The following STK39 variants were observed in gnomAD, a reference collection of about 807,000 sequenced individuals.
STK39 encodes STE20/SPS1-related proline-alanine-rich protein kinase.
STK39 carries 20 observed loss-of-function variants against 77.8 expected under a neutral mutation model. The observed-to-expected ratio is 0.26, with a 90% confidence interval of 0.18 to 0.37. The LOEUF (loss-of-function observed/expected upper bound fraction) is 0.37. Ranked by LOEUF, STK39 falls within the 10% of genes least tolerant of loss-of-function variation. The pLI, the probability that STK39 is intolerant of heterozygous loss-of-function variation, is 1.00. For missense variants in STK39, 479 were observed against 656.5 expected (o/e 0.73, Z 2.95); for synonymous variants, 246 against 234.1 (o/e 1.05, Z -0.47).
intron 1 of STK39, among the ~76,000 whole-genome samples, chr2:168,221,329 TGTTA>T (rs1690163197): frequency 1.3e-5 from 2 of 152,210 alleles, no homozygotes; most frequent in Admixed American, 1.3e-4. Flanking sequence ...TAGAACATTA[TGTTA>T]ATACATGCGT....
intron 16 of STK39, among the ~76,000 whole-genome samples, chr2:167,992,423 G>T (rs528945224): frequency 1.3e-5 from 2 of 152,084 alleles, no homozygotes; most frequent in African/African-American, 2.4e-5. Flanking sequence ...TGAAGAAACT[G>T]TCTGGAACTG....
chr2:167,962,184 A>T (rs890970477), intron 17 of STK39, among the ~76,000 whole-genome samples: 14 of 152,230 alleles, frequency 9.2e-5, no homozygotes, highest in Non-Finnish European at 4.4e-5. Flanking sequence ...AATGATAAAA[A>T]GCTGAGAGAT....
chr2:167,959,390 G>C (rs1008854524), intron 17 of STK39, among the ~76,000 whole-genome samples: 1 of 151,728 alleles, frequency 6.6e-6, no homozygotes, highest in Admixed American at 6.6e-5. Flanking sequence ...CTCCCAAAGT[G>C]CTGGGATTAC....
In STK39 at chr2:168,138,684, C is replaced by A. The variant is rs370751505; in HGVS notation, c.841-463G>T. Among the ~76,000 whole-genome samples, 4 of 152,236 alleles carry A rather than the reference C, an allele frequency of 2.6e-5. No homozygotes were observed. The East Asian group carries it at 7.7e-4, about 29-fold the overall frequency. On this transcript the variant is annotated intron_variant, in intron 7 of 17. Coordinates refer to ENST00000355999, the MANE Select transcript of STK39 (RefSeq NM_013233.3). Reference sequence around the variant, plus strand: ...CCCTAAAAATAAAACCACAACATCCCAGGAGGTAACATGATTTCCTTTAAA... The same window carrying A: ...CCCTAAAAATAAAACCACAACATCCAAGGAGGTAACATGATTTCCTTTAAA...
intron 16 of STK39, among the ~76,000 whole-genome samples, chr2:167,965,707 TA>T (rs1297438375): frequency 2.0e-5 from 3 of 152,188 alleles, no homozygotes; most frequent in African/African-American, 7.2e-5. Context: ...TTTTTATGAG[TA>T]AAATTATCTG....
At chr2:167,968,226 T>C (rs981853076) in intron 16 of STK39, among the ~76,000 whole-genome samples, 2 of 152,350 alleles carry the variant, frequency 1.3e-5, no homozygotes, top group Admixed American at 6.5e-5. Context: ...ATCTTTGCTA[T>C]TGTGAATAGT....
intron 1 of STK39, among the ~76,000 whole-genome samples, chr2:168,230,722 G>A (rs16855155): frequency 0.099 from 14,992 of 152,116 alleles, 1,724 homozygotes; most frequent in East Asian, 0.25. Flanking sequence ...AACTTCAAAA[G>A]AGGCACCTAC....
At position 168,200,083 on chromosome 2, in the gene STK39, C is replaced by A. The variant is rs187788743; in HGVS notation, c.209-17993G>T. ...AACCAGAACGACCAAATAGGGCCAACAAAATAATGTTCCGTTTTCCATTCA... is the reference window on the plus strand; with the variant it reads ...AACCAGAACGACCAAATAGGGCCAAAAAAATAATGTTCCGTTTTCCATTCA... On this transcript the variant is annotated intron_variant, in intron 1 of 17. Coordinates refer to ENST00000355999, the MANE Select transcript of STK39 (RefSeq NM_013233.3). 3.9e-5 allele frequency among the ~76,000 whole-genome samples: 6 copies of A among 152,164 alleles called. No homozygotes were observed. In the East Asian group the frequency reaches 9.6e-4, roughly 24 times the overall value.
chr2:168,165,735 C>T (rs1688679684), intron 3 of STK39, among the ~76,000 whole-genome samples: 1 of 151,732 alleles, frequency 6.6e-6, no homozygotes, highest in Non-Finnish European at 1.5e-5. Context: ...AATTACAATG[C>T]CTTCGTCATC....
At chr2:168,181,302 C>A (rs1379095643) in intron 2 of STK39, among the ~76,000 whole-genome samples, 2 of 152,150 alleles carry the variant, frequency 1.3e-5, no homozygotes, top group African/African-American at 4.8e-5. Flanking sequence ...GTTTGCCGGG[C>A]AACTAATAAC....
chr2:168,029,493 G>T (rs1684780886), intron 14 of STK39, among the ~76,000 whole-genome samples: 1 of 152,126 alleles, frequency 6.6e-6, no homozygotes, highest in Admixed American at 6.6e-5. Context: ...TTTTCTCCCA[G>T]GTGCTGAAGA....
chr2:168,177,673 G>T (rs759512984), intron 2 of STK39, among the ~76,000 whole-genome samples: 3 of 152,124 alleles, frequency 2.0e-5, no homozygotes, highest in Non-Finnish European at 2.9e-5. Context: ...GATTTTAAGG[G>T]AAGTCAAGAG....
intron 10 of STK39, among the ~76,000 whole-genome samples, chr2:168,094,062 CA>C (rs1427647544): frequency 6.6e-6 from 1 of 152,194 alleles, no homozygotes; most frequent in Non-Finnish European, 1.5e-5. Context: ...ACTATAGGAC[CA>C]AGTCCTTCAC....
rs755613797 is a variant in STK39 at position 168,247,061 on chromosome 2, TAAAAAAAAAA to T, written c.208+157_208+166del. ...TAGAACGAACAAATACATTAAAAAT[TAAAAAAAAAA>T]AAAAAAAAAAAAAAAAAACTGTTGA... On this transcript the variant is annotated intron_variant, in intron 1 of 17. Coordinates refer to ENST00000355999, the MANE Select transcript of STK39 (RefSeq NM_013233.3). Among the ~76,000 whole-genome samples the T allele has an allele frequency of 7.3e-4, 65 of 89,296 alleles. 1 individual carries two copies. Among genetic ancestry groups the T allele is most frequent in the East Asian group, 2.3e-3 (8 of 3,500 alleles). 58.6% of individuals were successfully genotyped at this position (89,296 alleles called of 152,430 possible).
At chr2:168,222,795 A>C (rs1690207679) in intron 1 of STK39, among the ~76,000 whole-genome samples, 1 of 152,170 alleles carries the variant, frequency 6.6e-6, no homozygotes, top group Non-Finnish European at 1.5e-5. Flanking sequence ...GGGTACACTG[A>C]TGTGGAAAAT....
chr2:168,086,275 C>G (rs904459552), intron 10 of STK39, among the ~76,000 whole-genome samples: 4 of 152,116 alleles, frequency 2.6e-5, no homozygotes, highest in Admixed American at 6.5e-5. Flanking sequence ...GTCATGTTTT[C>G]TAATTGTGTA....
chr2:168,080,673 T>C (rs1422796599), intron 10 of STK39, among the ~76,000 whole-genome samples: 2 of 151,776 alleles, frequency 1.3e-5, no homozygotes, highest in Admixed American at 1.3e-4. Context: ...GGGGAAAACA[T>C]CTCCAGGGCA....
At chr2:168,093,587 A>G (rs1013676071) in intron 10 of STK39, among the ~76,000 whole-genome samples, 1 of 152,174 alleles carries the variant, frequency 6.6e-6, no homozygotes, top group Non-Finnish European at 1.5e-5. Context: ...CAGCCAAACC[A>G]TAAGTCATGT....
intron 10 of STK39, among the ~76,000 whole-genome samples, chr2:168,125,834 C>T (rs886804448): frequency 6.6e-6 from 1 of 152,152 alleles, no homozygotes; most frequent in Admixed American, 6.5e-5. Flanking sequence ...CACCTACCCT[C>T]GTGGAATTAT....
Sources: allele counts gnomAD v4.1 joint callset (sites outside exome capture counted in the v4.1 genomes callset), GRCh38; gene constraint gnomAD v4.1.1; transcripts MANE v1.5; gene names NCBI Gene and HGNC (gene_info 2026-07-23, HGNC 2026-07-21).